The following NRXN1 variants were observed in gnomAD, a reference collection of about 807,000 sequenced individuals.
NRXN1 encodes the protein neurexin 1, also known as neurexin-1.
NRXN1 carries 39 observed loss-of-function variants against 150.9 expected under a neutral mutation model. The observed-to-expected ratio is 0.26, with a 90% CI of 0.20 to 0.34. The LOEUF (loss-of-function observed/expected upper bound fraction) is 0.34. Ranked by LOEUF, NRXN1 falls within the 10% of genes least tolerant of loss-of-function variation. The probability of loss-of-function intolerance (pLI) is 1.00; values close to 1 mark genes in which losing one functional copy is unlikely to be tolerated. For missense variants in NRXN1, 1,815 were observed against 1,949.9 expected (o/e 0.93, Z 1.30); for synonymous variants, 924 against 757.0 (o/e 1.22, Z -3.62).
intron 17 of NRXN1, among the ~76,000 whole-genome samples, chr2:50,251,959 A>G (rs1160615202): frequency 6.6e-6 from 1 of 152,084 alleles, no homozygotes; most frequent in Admixed American, 6.6e-5. Flanking sequence ...ATAGATTGCA[A>G]AAGTTTTCTC....
rs746736925 is a variant in NRXN1 at position 50,098,830 on chromosome 2, GTTTTTTTT to G, written c.3547-7344_3547-7337del. 1.1e-4 allele frequency among the ~76,000 whole-genome samples: 12 copies of G among 105,542 alleles called. 1 individual carries two copies. The highest frequency in any genetic ancestry group is 4.2e-4 in the African/African-American group (12 of 28,662). 69.2% of individuals were successfully genotyped at this position (105,542 alleles called of 152,430 possible). On this transcript the variant is annotated intron_variant, in intron 18 of 22. Coordinates refer to ENST00000401669, the MANE Select transcript of NRXN1 (RefSeq NM_001330078.2). ...GTGCATGGTTTTGTTTTTGGTTTTA[GTTTTTTTT>G]TTTTTTTTTTTTTTTTTTTTTTTTT...
intron 22 of NRXN1, among the ~76,000 whole-genome samples, chr2:49,937,239 A>T (rs1671208842): frequency 6.6e-6 from 1 of 152,196 alleles, no homozygotes. Context: ...GCCCATTTGC[A>T]AGCACAGTTG....
At chr2:50,314,062 A>C (rs2075392705) in intron 17 of NRXN1, among the ~76,000 whole-genome samples, 1 of 152,084 alleles carries the variant, frequency 6.6e-6, no homozygotes, top group Admixed American at 6.6e-5. Context: ...CAAAGAGAAA[A>C]AGAAATGGTT....
chr2:50,829,474 A>C (rs904146046), intron 5 of NRXN1: 3 of 1,566,006 alleles, frequency 1.9e-6, no homozygotes, highest in African/African-American at 1.4e-5. Context: ...AGCAGGAGGG[A>C]GCCTATAATA....
At chr2:50,410,135 C>T (rs1284877137) in intron 17 of NRXN1, among the ~76,000 whole-genome samples, 2 of 152,024 alleles carry the variant, frequency 1.3e-5, no homozygotes, top group African/African-American at 2.4e-5. Context: ...TGTAGAAACT[C>T]GACAATCCTA....
chr2:50,067,981 T>C, intron 19 of NRXN1, among the ~76,000 whole-genome samples: 1 of 152,208 alleles, frequency 6.6e-6, no homozygotes, highest in Non-Finnish European at 1.5e-5. Context: ...TCTAGTCTTC[T>C]TAATATTCAA....
At chr2:50,237,345 C>T (rs1715970) in intron 17 of NRXN1, among the ~76,000 whole-genome samples, 86,515 of 151,808 alleles carry the variant, frequency 0.57, 25,175 homozygotes, top group African/African-American at 0.67. Context: ...CAGCAGCACA[C>T]ATCAACTTGG....
At chr2:50,693,491 A>G (rs896904815) in intron 5 of NRXN1, among the ~76,000 whole-genome samples, 23 of 152,114 alleles carry the variant, frequency 1.5e-4, no homozygotes, top group African/African-American at 5.6e-4. Context: ...CCTCCTGCCT[A>G]CAATTGCGTG....
At chr2:50,598,715 T>C (rs1362623248) in intron 8 of NRXN1, among the ~76,000 whole-genome samples, 1 of 147,466 alleles carries the variant, frequency 6.8e-6, no homozygotes, top group African/African-American at 2.5e-5. Flanking sequence ...TACATATATA[T>C]GTATATATAC....
intron 22 of NRXN1, among the ~76,000 whole-genome samples, chr2:49,928,455 G>A (rs1219708939): frequency 7.2e-5 from 11 of 152,076 alleles, no homozygotes; most frequent in Non-Finnish European, 1.3e-4. Flanking sequence ...TAATAGATGT[G>A]GAAGTTATTA....
At chr2:50,728,873 C>G (rs768122892) in intron 5 of NRXN1, among the ~76,000 whole-genome samples, 1 of 152,124 alleles carries the variant, frequency 6.6e-6, no homozygotes, top group Non-Finnish European at 1.5e-5. Flanking sequence ...AGTGTATTTA[C>G]CAAATTATCC....
chr2:50,329,663 ATATATATATAT>A (rs576406404), intron 17 of NRXN1, among the ~76,000 whole-genome samples: 448 of 28,588 alleles, frequency 0.016, 15 homozygotes, highest in African/African-American at 0.018. Flanking sequence ...ATATATATAT[ATATATATATAT>A]TTTTTTTTTT....
chr2:49,947,734 A>C (rs1673205746), intron 21 of NRXN1, among the ~76,000 whole-genome samples: 1 of 151,826 alleles, frequency 6.6e-6, no homozygotes. Flanking sequence ...TAATAATGCC[A>C]AAGTTGAGAA....
intron 17 of NRXN1, among the ~76,000 whole-genome samples, chr2:50,316,709 T>C: frequency 6.6e-6 from 1 of 152,020 alleles, no homozygotes; most frequent in East Asian, 1.9e-4. Context: ...AACAAACACA[T>C]GTTCTGCTAT....
At chr2:49,958,943 G>C (rs1228702670) in intron 21 of NRXN1, among the ~76,000 whole-genome samples, 1 of 152,172 alleles carries the variant, frequency 6.6e-6, no homozygotes, top group African/African-American at 2.4e-5. Flanking sequence ...AAGGATATCA[G>C]AGAGGTTCTC....
intron 18 of NRXN1, among the ~76,000 whole-genome samples, chr2:50,161,115 C>G (rs1444013806): frequency 6.6e-6 from 1 of 152,124 alleles, no homozygotes; most frequent in African/African-American, 2.4e-5. Flanking sequence ...CATAATCTGT[C>G]AAAACTGCCA....
intron 17 of NRXN1, among the ~76,000 whole-genome samples, chr2:50,308,369 G>A (rs1188687636): frequency 1.3e-5 from 2 of 151,518 alleles, no homozygotes; most frequent in African/African-American, 4.9e-5. Flanking sequence ...TTACTCTTTT[G>A]CCCAGGCTGG....
chr2:50,178,939 T>A (rs934117716), intron 18 of NRXN1, among the ~76,000 whole-genome samples: 3 of 152,132 alleles, frequency 2.0e-5, no homozygotes, highest in African/African-American at 7.2e-5. Context: ...CTGTCTTCCA[T>A]TTCAAAGTGC....
At chr2:49,961,667 C>T (rs1448794154) in intron 21 of NRXN1, among the ~76,000 whole-genome samples, 2 of 152,132 alleles carry the variant, frequency 1.3e-5, no homozygotes, top group Non-Finnish European at 1.5e-5. Flanking sequence ...ACAAATTAGC[C>T]TATAGGTCTT....
Sources: gnomAD v4.1 joint callset for allele counts (sites outside exome capture counted in the v4.1 genomes callset) on GRCh38, gnomAD v4.1.1 for gene constraint, MANE v1.5 for transcripts, NCBI Gene and HGNC (gene_info 2026-07-23, HGNC 2026-07-21) for gene names.